The following HTR1F variants were observed in gnomAD, a reference collection of about 807,000 sequenced individuals.
HTR1F encodes the protein 5-hydroxytryptamine (serotonin) receptor 1F, G protein-coupled.
HTR1F carries 17 observed loss-of-function variants against 24.0 expected under a neutral mutation model. The observed-to-expected ratio is 0.71, with a 90% CI of 0.48 to 1.06. HTR1F has a LOEUF of 1.06. HTR1F is among the 50% of genes least tolerant of loss of function. The pLI is 0.00. For missense variants in HTR1F, 391 were observed against 427.8 expected (o/e 0.91, Z 0.76); for synonymous variants, 186 against 156.8 (o/e 1.19, Z -1.39).
At chr3:87,951,680 C>A (rs962673188) in intron 2 of HTR1F, among the ~76,000 whole-genome samples, 1 of 152,014 alleles carries the variant, frequency 6.6e-6, no homozygotes, top group African/African-American at 2.4e-5. Context: ...CCATAGTTCA[C>A]ATTAGGGTTC....
At chr3:87,798,971 GT>G (rs1246915375) in intron 1 of HTR1F, among the ~76,000 whole-genome samples, 1 of 152,006 alleles carries the variant, frequency 6.6e-6, no homozygotes, top group Non-Finnish European at 1.5e-5. Context: ...TCCATTTTAT[GT>G]TTTGGTCAAA....
intron 2 of HTR1F, among the ~76,000 whole-genome samples, chr3:87,960,574 C>G (rs1218340472): frequency 1.3e-5 from 2 of 151,902 alleles, no homozygotes; most frequent in Admixed American, 1.3e-4. Context: ...AATAACTAGA[C>G]CATTCTGAGT....
intron 2 of HTR1F, among the ~76,000 whole-genome samples, chr3:87,971,380 C>G (rs1705282409): frequency 6.6e-6 from 1 of 151,918 alleles, no homozygotes; most frequent in Non-Finnish European, 1.5e-5. Context: ...TTAGCCTGGG[C>G]AACATGATAA....
intron 2 of HTR1F, among the ~76,000 whole-genome samples, chr3:87,829,551 A>T (rs1704532772): frequency 6.6e-6 from 1 of 152,144 alleles, no homozygotes; most frequent in Non-Finnish European, 1.5e-5. Context: ...CCCCTTCCTT[A>T]GGGATCTCTC....
chr3:87,850,199 G>T (rs183476916), intron 2 of HTR1F, among the ~76,000 whole-genome samples: 45 of 152,036 alleles, frequency 3.0e-4, no homozygotes, highest in African/African-American at 1.1e-3. Flanking sequence ...CAAAGACGTG[G>T]AACCAGCCCA....
chr3:87,926,042 T>C (rs1704119248), intron 2 of HTR1F, among the ~76,000 whole-genome samples: 1 of 152,226 alleles, frequency 6.6e-6, no homozygotes, highest in Non-Finnish European at 1.5e-5. Flanking sequence ...TACACTTTGC[T>C]TTTCCTAAAA....
chr3:87,879,834 C>A (rs1161759731), intron 2 of HTR1F, among the ~76,000 whole-genome samples: 2 of 151,906 alleles, frequency 1.3e-5, no homozygotes, highest in Non-Finnish European at 2.9e-5. Flanking sequence ...TTTCTCACAC[C>A]ATTAATAATA....
At chr3:87,959,109 T>G (rs562225671) in intron 2 of HTR1F, among the ~76,000 whole-genome samples, 3 of 151,806 alleles carry the variant, frequency 2.0e-5, no homozygotes, top group East Asian at 1.9e-4. Context: ...TTTGATGTAC[T>G]TAATCTCTTA....
At chr3:87,926,927 AGTT>A (rs1034002167) in intron 2 of HTR1F, among the ~76,000 whole-genome samples, 1 of 149,042 alleles carries the variant, frequency 6.7e-6, no homozygotes, top group Non-Finnish European at 1.5e-5. Context: ...AATGTTAGTT[AGTT>A]AAAATGGCCC....
At chr3:87,844,953 A>C (rs1386644895) in intron 2 of HTR1F, among the ~76,000 whole-genome samples, 2 of 149,444 alleles carry the variant, frequency 1.3e-5, no homozygotes, top group African/African-American at 5.1e-5. Context: ...GTATAGTTTG[A>C]AGTCAGGTAG....
intron 2 of HTR1F, among the ~76,000 whole-genome samples, chr3:87,969,531 TC>T (rs1336068481): frequency 6.6e-6 from 1 of 152,208 alleles, no homozygotes; most frequent in Non-Finnish European, 1.5e-5. Flanking sequence ...GGCCAATTTC[TC>T]CCATTTTGAA....
chr3:87,811,263 T>A (rs187330336), intron 1 of HTR1F, among the ~76,000 whole-genome samples: 1 of 143,582 alleles, frequency 7.0e-6, no homozygotes, highest in Non-Finnish European at 1.5e-5. Flanking sequence ...GGTCATTCAG[T>A]GGAATTCTAT....
chr3:87,990,504 T>C (rs1705796972), intron 2 of HTR1F, among the ~76,000 whole-genome samples: 4 of 152,216 alleles, frequency 2.6e-5, no homozygotes, highest in Admixed American at 2.6e-4. Context: ...AAGAAATGTT[T>C]TGGAAGTTAC....
chr3:87,881,846 A>C (rs554450823), intron 2 of HTR1F, among the ~76,000 whole-genome samples: 1 of 152,366 alleles, frequency 6.6e-6, no homozygotes, highest in Non-Finnish European at 1.5e-5. Flanking sequence ...AACAAAAGCC[A>C]CAATTGACAA....
chr3:87,865,769 G>T (rs552451203), intron 2 of HTR1F, among the ~76,000 whole-genome samples: 3 of 152,114 alleles, frequency 2.0e-5, no homozygotes, highest in African/African-American at 4.8e-5. Context: ...TGGATATTTT[G>T]ATTGTTTCTG....
chr3:87,814,390 AAG>A (rs1181426895), intron 1 of HTR1F, among the ~76,000 whole-genome samples: 2 of 152,154 alleles, frequency 1.3e-5, no homozygotes, highest in Non-Finnish European at 2.9e-5. Flanking sequence ...CATTTGTGTT[AAG>A]AACTCTTAAA....
intron 2 of HTR1F, among the ~76,000 whole-genome samples, chr3:87,922,179 CTT>C (rs372754501): frequency 1.1e-4 from 17 of 151,874 alleles, no homozygotes; most frequent in African/African-American, 4.1e-4. Context: ...CTCCATCCTA[CTT>C]AGAATCTGTT....
chr3:87,821,794 A>G (rs1704364058), intron 1 of HTR1F, among the ~76,000 whole-genome samples: 1 of 152,168 alleles, frequency 6.6e-6, no homozygotes, highest in East Asian at 1.9e-4. Context: ...TTATAATGCA[A>G]CTATTACAGC....
chr3:87,968,853 G>T (rs967617121), intron 2 of HTR1F, among the ~76,000 whole-genome samples: 1 of 152,194 alleles, frequency 6.6e-6, no homozygotes, highest in Non-Finnish European at 1.5e-5. Flanking sequence ...GGCAAAAACG[G>T]TTTCCTGGGC....
Sources: gnomAD v4.1 joint callset for allele counts (sites outside exome capture counted in the v4.1 genomes callset) on GRCh38, gnomAD v4.1.1 for gene constraint, MANE v1.5 for transcripts, NCBI Gene and HGNC (gene_info 2026-07-23, HGNC 2026-07-21) for gene names.